CDH13: variants seen among roughly 807,000 people sequenced by gnomAD.
CDH13 encodes the protein cadherin 13.
Under a neutral mutation model 63.8 loss-of-function variants are expected in CDH13, and 24 were observed. The ratio of observed to expected loss-of-function variants is 0.38; its 90% CI spans 0.27 to 0.53. CDH13 has a LOEUF of 0.53. CDH13 is among the 20% of genes least tolerant of loss of function. The pLI is 0.85. For synonymous variants in CDH13, 503 were observed against 355.3 expected (o/e 1.42, Z -4.67); for missense variants, 1,049 against 903.1 (o/e 1.16, Z -2.07).
In CDH13 at chr16:83,707,836, C is replaced by CAAAAA. The variant is rs61067563; in HGVS notation, c.1538+29393_1538+29397dup. Among the ~76,000 whole-genome samples the CAAAAA allele has an allele frequency of 3.0e-3, 238 of 78,822 alleles. 13 individuals carry two copies. The highest frequency in any genetic ancestry group is 0.01 in the African/African-American group (206 of 19,952). 51.7% of individuals were successfully genotyped at this position (78,822 alleles called of 152,430 possible). A position where few individuals can be genotyped will look rare whatever the true frequency, so the allele number is the denominator to read the frequency against. The stretch of plus-strand genomic sequence containing the variant: ...CATCTTTGGTGAGAGACCCTAAAGG[C>CAAAAA]AAAAAAAAAAAAAAAAAAAAAAGAG... On this transcript the variant is annotated intron_variant, in intron 10 of 13. Transcript: ENST00000567109.
chr16:83,072,620 G>A (rs75854693), intron 3 of CDH13, among the ~76,000 whole-genome samples: 2,924 of 152,288 alleles, frequency 0.019, 92 homozygotes, highest in African/African-American at 0.066. Flanking sequence ...TTTACCAGCT[G>A]TGTGATCTTA....
At chr16:83,329,304 C>T (rs916030780) in intron 5 of CDH13, among the ~76,000 whole-genome samples, 2 of 152,288 alleles carry the variant, frequency 1.3e-5, no homozygotes, top group Non-Finnish European at 2.9e-5. Context: ...CAGCTCACTG[C>T]AACCTCTGCT....
intron 4 of CDH13, among the ~76,000 whole-genome samples, chr16:83,197,134 C>A (rs1297084164): frequency 6.6e-6 from 1 of 152,128 alleles, no homozygotes; most frequent in East Asian, 1.9e-4. Flanking sequence ...TGATACACAG[C>A]AACTTGGAAG....
At chr16:83,240,040 G>A (rs758191499) in intron 5 of CDH13, among the ~76,000 whole-genome samples, 1 of 152,220 alleles carries the variant, frequency 6.6e-6, no homozygotes, top group Non-Finnish European at 1.5e-5. Flanking sequence ...GCAAGATGGT[G>A]GAGGATGCAG....
intron 7 of CDH13, among the ~76,000 whole-genome samples, chr16:83,551,484 C>T (rs1198591721): frequency 6.6e-6 from 1 of 152,214 alleles, no homozygotes; most frequent in Non-Finnish European, 1.5e-5. Context: ...CTCCTAGTAC[C>T]TTCCCAGCCT....
intron 4 of CDH13, among the ~76,000 whole-genome samples, chr16:83,201,859 G>C (rs1362141411): frequency 6.6e-6 from 1 of 152,082 alleles, no homozygotes; most frequent in East Asian, 1.9e-4. Flanking sequence ...AGCTTCCAGT[G>C]AGCTGAGATC....
At chr16:82,742,772 A>G (rs562473792) in intron 1 of CDH13, among the ~76,000 whole-genome samples, 7 of 152,338 alleles carry the variant, frequency 4.6e-5, no homozygotes, top group Non-Finnish European at 8.8e-5. Flanking sequence ...ATTATATCAC[A>G]ACAAATGCCA....
intron 1 of CDH13, among the ~76,000 whole-genome samples, chr16:82,643,589 A>G (rs1298098539): frequency 6.6e-6 from 1 of 152,246 alleles, no homozygotes; most frequent in African/African-American, 2.4e-5. Context: ...CCTATTGGAA[A>G]TAAAGCAAGG....
intron 6 of CDH13, among the ~76,000 whole-genome samples, chr16:83,373,850 C>T (rs2091415641): frequency 6.6e-6 from 1 of 152,090 alleles, no homozygotes. Flanking sequence ...GGCGTGAGTC[C>T]CATAGAGAGC....
chr16:83,254,103 T>C (rs943828454), intron 5 of CDH13, among the ~76,000 whole-genome samples: 1 of 152,142 alleles, frequency 6.6e-6, no homozygotes. Flanking sequence ...GCAAGACAGA[T>C]AACACTCCGA....
At chr16:83,239,226 C>T (rs1904294100) in intron 5 of CDH13, among the ~76,000 whole-genome samples, 1 of 152,122 alleles carries the variant, frequency 6.6e-6, no homozygotes, top group South Asian at 2.1e-4. Context: ...TAAGTTATCA[C>T]TGCAGAGGGA....
chr16:83,082,080 C>T (rs952628920), intron 3 of CDH13, among the ~76,000 whole-genome samples: 1 of 152,098 alleles, frequency 6.6e-6, no homozygotes, highest in South Asian at 2.1e-4. Context: ...GATTACAGGC[C>T]TGAGCCACTG....
intron 1 of CDH13, among the ~76,000 whole-genome samples, chr16:82,766,697 T>G (rs1012327616): frequency 2.0e-5 from 3 of 152,190 alleles, no homozygotes; most frequent in African/African-American, 4.8e-5. Flanking sequence ...ATATATTCCT[T>G]TATATCATTA....
At chr16:83,202,988 G>A (rs772367462) in intron 4 of CDH13, among the ~76,000 whole-genome samples, 3 of 152,138 alleles carry the variant, frequency 2.0e-5, no homozygotes, top group Non-Finnish European at 2.9e-5. Flanking sequence ...TACTTTGGGA[G>A]GCCAAGGTGG....
At chr16:83,504,019 C>G (rs954610971) in intron 7 of CDH13, among the ~76,000 whole-genome samples, 1 of 152,070 alleles carries the variant, frequency 6.6e-6, no homozygotes, top group African/African-American at 2.4e-5. Flanking sequence ...GGCTTAAAAC[C>G]TAAAATATGG....
At chr16:83,273,354 G>A (rs535980225) in intron 5 of CDH13, among the ~76,000 whole-genome samples, 34 of 151,662 alleles carry the variant, frequency 2.2e-4, no homozygotes, top group Non-Finnish European at 4.9e-4. Context: ...CCCTCAAGTA[G>A]GCCCTGGGGT....
intron 7 of CDH13, among the ~76,000 whole-genome samples, chr16:83,568,945 C>T (rs189801862): frequency 1.3e-5 from 2 of 152,220 alleles, no homozygotes; most frequent in East Asian, 3.9e-4. Context: ...TCACTGCCTC[C>T]AGAACATTCT....
chr16:83,701,532 A>G (rs968418016), intron 10 of CDH13, among the ~76,000 whole-genome samples: 2 of 152,094 alleles, frequency 1.3e-5, no homozygotes, highest in African/African-American at 2.4e-5. Flanking sequence ...GACTGAAGCT[A>G]TATCTGTTTG....
intron 1 of CDH13, among the ~76,000 whole-genome samples, chr16:82,808,026 T>C (rs1027055045): frequency 6.6e-6 from 1 of 152,130 alleles, no homozygotes; most frequent in African/African-American, 2.4e-5. Context: ...CTTACTGAGC[T>C]CTAGGCAAGG....
Sources: allele counts gnomAD v4.1 joint callset (sites outside exome capture counted in the v4.1 genomes callset), GRCh38; gene constraint gnomAD v4.1.1; transcripts MANE v1.5; gene names NCBI Gene and HGNC (gene_info 2026-07-23, HGNC 2026-07-21).